LRMDA: variants seen among roughly 807,000 people sequenced by gnomAD.
The protein encoded by LRMDA is leucine rich melanocyte differentiation associated, also known as leucine-rich melanocyte differentiation-associated protein.
Under a neutral mutation model 29.8 loss-of-function variants are expected in LRMDA, and 18 were observed. That is an observed-to-expected ratio of 0.60 (90% CI 0.42 to 0.90). The LOEUF is 0.90. Ranked by LOEUF, LRMDA falls within the 40% of genes least tolerant of loss-of-function variation. LRMDA has a pLI of 0.00. For synonymous variants in LRMDA, 125 were observed against 109.4 expected, an observed-to-expected ratio of 1.14 and a Z score of -0.89; for missense variants, 273 against 273.9, an observed-to-expected ratio of 1.00 and a Z score of 0.02.
chr10:75,739,226 A>G (rs1161393846), intron 2 of LRMDA, among the ~76,000 whole-genome samples: 1 of 152,224 alleles, frequency 6.6e-6, no homozygotes, highest in African/African-American at 2.4e-5. Flanking sequence ...ACTAAGATGT[A>G]TGTTAATACA....
At chr10:75,516,068 T>A (rs1363257846) in intron 2 of LRMDA, among the ~76,000 whole-genome samples, 1 of 152,256 alleles carries the variant, frequency 6.6e-6, no homozygotes, top group Non-Finnish European at 1.5e-5. Context: ...TATTTCATGG[T>A]GTATATGTGC....
chr10:76,370,391 A>G (rs375919226), intron 6 of LRMDA, among the ~76,000 whole-genome samples: 1 of 152,138 alleles, frequency 6.6e-6, no homozygotes, highest in East Asian at 1.9e-4. Flanking sequence ...GCTATCTACA[A>G]ACCTTACCTA....
intron 6 of LRMDA, among the ~76,000 whole-genome samples, chr10:76,426,051 G>T (rs576972012): frequency 6.6e-6 from 1 of 152,018 alleles, no homozygotes; most frequent in Non-Finnish European, 1.5e-5. Flanking sequence ...GAGTAGTGCC[G>T]CAAATAAACA....
chr10:75,491,537 C>G (rs753310425), intron 2 of LRMDA, among the ~76,000 whole-genome samples: 1 of 152,120 alleles, frequency 6.6e-6, no homozygotes, highest in African/African-American at 2.4e-5. Context: ...GGGAGCAGTG[C>G]TTGGAGTGAT....
intron 2 of LRMDA, among the ~76,000 whole-genome samples, chr10:75,618,382 C>CTCTCTCTCTCTCTCTA (rs1338091170): frequency 1.3e-5 from 1 of 77,022 alleles, no homozygotes; most frequent in African/African-American, 4.2e-5. Flanking sequence ...CTCTCTCTCT[C>CTCTCTCTCTCTCTCTA]TATATATATA....
At chr10:76,363,176 A>AGAAAGAAAGGGAG (rs1459442138) in intron 6 of LRMDA, among the ~76,000 whole-genome samples, 1 of 21,748 alleles carries the variant, frequency 4.6e-5, no homozygotes. Context: ...AAAGAAAGAA[A>AGAAAGAAAGGGAG]GGAGGGAGGG....
chr10:76,391,205 C>G (rs556042118), intron 6 of LRMDA, among the ~76,000 whole-genome samples: 3 of 152,180 alleles, frequency 2.0e-5, no homozygotes, highest in Admixed American at 1.3e-4. Flanking sequence ...AGGAGTCTTC[C>G]TCTTTCTGTA....
chr10:76,227,509 T>C (rs1050634757), intron 5 of LRMDA, among the ~76,000 whole-genome samples: 1 of 152,130 alleles, frequency 6.6e-6, no homozygotes, highest in Non-Finnish European at 1.5e-5. Context: ...ACAGACAGAG[T>C]AGAATGCAGA....
chr10:76,011,764 T>C (rs1847786055), intron 2 of LRMDA, among the ~76,000 whole-genome samples: 1 of 152,192 alleles, frequency 6.6e-6, no homozygotes. Flanking sequence ...GAATATTTTG[T>C]TCCAGCTCTA....
intron 5 of LRMDA, among the ~76,000 whole-genome samples, chr10:76,072,061 A>C (rs559973835): frequency 6.6e-6 from 1 of 152,358 alleles, no homozygotes; most frequent in Non-Finnish European, 1.5e-5. Flanking sequence ...GCTTTTTATT[A>C]AAATGGTTAG....
intron 5 of LRMDA, among the ~76,000 whole-genome samples, chr10:76,212,507 C>CACACCCCAAT (rs1448697295): frequency 6.6e-6 from 1 of 152,048 alleles, no homozygotes; most frequent in Non-Finnish European, 1.5e-5. Context: ...ATAATTCATT[C>CACACCCCAAT]ACACCCCAAT....
intron 6 of LRMDA, among the ~76,000 whole-genome samples, chr10:76,431,345 TTGTG>T (rs1333535697): frequency 1.3e-5 from 2 of 152,084 alleles, no homozygotes; most frequent in Non-Finnish European, 2.9e-5. Context: ...ACTGCACAGT[TTGTG>T]TGAGCCCTCC....
At chr10:75,822,427 C>G (rs1030668955) in intron 2 of LRMDA, among the ~76,000 whole-genome samples, 7 of 152,050 alleles carry the variant, frequency 4.6e-5, no homozygotes, top group Non-Finnish European at 1.0e-4. Context: ...TCCTGTCGAA[C>G]TACCAATGTC....
intron 2 of LRMDA, among the ~76,000 whole-genome samples, chr10:75,898,601 C>T (rs1845621857): frequency 6.6e-6 from 1 of 151,580 alleles, no homozygotes; most frequent in East Asian, 1.9e-4. Context: ...GGAACGGGCA[C>T]TGCCCACTGA....
chr10:76,329,198 C>A (rs1840874377), intron 6 of LRMDA, among the ~76,000 whole-genome samples: 2 of 152,208 alleles, frequency 1.3e-5, no homozygotes, highest in South Asian at 4.1e-4. Flanking sequence ...GAAGGCGATT[C>A]TCCGATGTAG....
chr10:75,552,768 T>C (rs1393278655), intron 2 of LRMDA, among the ~76,000 whole-genome samples: 1 of 152,024 alleles, frequency 6.6e-6, no homozygotes, highest in Non-Finnish European at 1.5e-5. Flanking sequence ...TTCCTTGTTA[T>C]TATTTTGGAT....
intron 2 of LRMDA, among the ~76,000 whole-genome samples, chr10:75,483,239 A>C (rs1222945286): frequency 6.6e-6 from 1 of 151,982 alleles, no homozygotes; most frequent in East Asian, 1.9e-4. Flanking sequence ...GAGCCACCAC[A>C]CCCCACCCAT....
At chr10:75,818,793 G>A (rs1325216980) in intron 2 of LRMDA, among the ~76,000 whole-genome samples, 3 of 152,216 alleles carry the variant, frequency 2.0e-5, no homozygotes, top group African/African-American at 7.2e-5. Flanking sequence ...TTAAGATACT[G>A]GCTGCTGGCA....
intron 5 of LRMDA, among the ~76,000 whole-genome samples, chr10:76,141,038 C>A (rs1850189142): frequency 6.6e-6 from 1 of 152,046 alleles, no homozygotes; most frequent in Admixed American, 6.6e-5. Flanking sequence ...AAGCTTGAAC[C>A]ATCTGGTCCT....
Sources: allele counts gnomAD v4.1 joint callset (sites outside exome capture counted in the v4.1 genomes callset), GRCh38; gene constraint gnomAD v4.1.1; transcripts MANE v1.5; gene names NCBI Gene and HGNC (gene_info 2026-07-23, HGNC 2026-07-21).